ZNF407: variants seen among roughly 807,000 people sequenced by gnomAD.
ZNF407 encodes the protein zinc finger protein 407.
Under a neutral mutation model 131.2 loss-of-function variants are expected in ZNF407, and 17 were observed. The ratio of observed to expected loss-of-function variants is 0.13; its 90% CI spans 0.09 to 0.19. ZNF407 has a LOEUF of 0.19. Among genes scored for constraint, ZNF407 ranks in the 10% least tolerant of loss-of-function variants. ZNF407 has a pLI of 1.00. For missense variants in ZNF407, 2,681 were observed against 2,830.6 expected (o/e 0.95, Z 1.20); for synonymous variants, 1,156 against 1,062.0 (o/e 1.09, Z -1.72).
chr18:74,889,834 T>A (rs1971360401), intron 6 of ZNF407, 84 bp from the exon 7 acceptor site: 1 of 1,281,614 alleles, frequency 7.8e-7, no homozygotes, highest in African/African-American at 1.5e-5. Context: ...AAATAAATGT[T>A]TTTTAAATTG....
At chr18:74,860,766 T>TA (rs1383781224) in intron 4 of ZNF407, among the ~76,000 whole-genome samples, 1 of 152,112 alleles carries the variant, frequency 6.6e-6, no homozygotes, top group Non-Finnish European at 1.5e-5. Context: ...ATCTCAGTGT[T>TA]ACGGTTTTTT....
At position 74,786,791 on chromosome 18, in the gene ZNF407, A is replaced by AGGT. The variant is rs1969722911; in HGVS notation, c.4877+5289_4877+5290insGGT. 5.0e-4 allele frequency among the ~76,000 whole-genome samples: 39 copies of AGGT among 77,726 alleles called. 9 individuals are homozygous for AGGT. The highest frequency in any genetic ancestry group is 1.3e-3 in the African/African-American group (30 of 22,732). 51.0% of individuals were successfully genotyped at this position (77,726 alleles called of 152,430 possible). A position where few individuals can be genotyped will look rare whatever the true frequency, so the allele number is the denominator to read the frequency against. ...TTAATTGGTTTTAATGTAAAAAAGT[A>AGGT]TGTTTTTTTTTTTTTTTTTTTTTTT... On this transcript the variant is annotated intron_variant, in intron 4 of 8. Coordinates refer to ENST00000299687, the MANE Select transcript of ZNF407 (RefSeq NM_017757.3).
chr18:74,610,375 C>G (rs976187018), intron 1 of ZNF407, among the ~76,000 whole-genome samples: 1 of 152,084 alleles, frequency 6.6e-6, no homozygotes, highest in Admixed American at 6.5e-5. Flanking sequence ...TCCTGAAACC[C>G]ACATTTCCCC....
chr18:74,770,818 A>G (rs1461681309), intron 3 of ZNF407, among the ~76,000 whole-genome samples: 1 of 152,114 alleles, frequency 6.6e-6, no homozygotes, highest in South Asian at 2.1e-4. Flanking sequence ...CTAGCATTTT[A>G]TAATATCTAA....
intron 8 of ZNF407, among the ~76,000 whole-genome samples, chr18:74,999,568 A>G (rs1427208596): frequency 6.6e-6 from 1 of 152,218 alleles, no homozygotes; most frequent in African/African-American, 2.4e-5. Flanking sequence ...TTGCTCACGA[A>G]TGTGCCAGAC....
intron 3 of ZNF407, among the ~76,000 whole-genome samples, chr18:74,696,162 T>C (rs1568171010): frequency 6.6e-6 from 1 of 152,198 alleles, no homozygotes; most frequent in Non-Finnish European, 1.5e-5. Context: ...AAAATCTAGG[T>C]GGACACAACG....
At chr18:74,608,649 T>C (rs1982917630) in intron 1 of ZNF407, among the ~76,000 whole-genome samples, 1 of 152,176 alleles carries the variant, frequency 6.6e-6, no homozygotes, top group Non-Finnish European at 1.5e-5. Context: ...GCCTGGCCAG[T>C]TCCTTTAGAT....
intron 8 of ZNF407, among the ~76,000 whole-genome samples, chr18:74,986,607 T>A (rs1427713075): frequency 6.6e-6 from 1 of 152,220 alleles, no homozygotes; most frequent in Admixed American, 6.5e-5. Flanking sequence ...AGCTTTTATT[T>A]AACAACTACA....
At chr18:74,665,429 G>A (rs1189142358) in intron 3 of ZNF407, among the ~76,000 whole-genome samples, 2 of 152,126 alleles carry the variant, frequency 1.3e-5, no homozygotes, top group East Asian at 1.9e-4. Flanking sequence ...GCAGGGAAGC[G>A]ATCACCTTCC....
At chr18:74,973,616 G>A (rs1249954614) in intron 8 of ZNF407, among the ~76,000 whole-genome samples, 1 of 152,134 alleles carries the variant, frequency 6.6e-6, no homozygotes, top group East Asian at 1.9e-4. Context: ...AAACAAACAT[G>A]CGATATGTTT....
chr18:74,600,091 C>T (rs531730576), intron 1 of ZNF407, among the ~76,000 whole-genome samples: 1 of 152,304 alleles, frequency 6.6e-6, no homozygotes, highest in Admixed American at 6.5e-5. Context: ...CAAGCAAATG[C>T]GCATTGGCAG....
intron 3 of ZNF407, among the ~76,000 whole-genome samples, chr18:74,717,072 A>T (rs890488358): frequency 1.2e-4 from 18 of 152,124 alleles, no homozygotes; most frequent in Admixed American, 1.2e-3. Flanking sequence ...CGTATATGAG[A>T]GTGTGTATAT....
intron 4 of ZNF407, among the ~76,000 whole-genome samples, chr18:74,786,252 T>C (rs1259432990): frequency 6.6e-6 from 1 of 152,214 alleles, no homozygotes; most frequent in Non-Finnish European, 1.5e-5. Context: ...GTAAATACTG[T>C]TATCCATTTT....
In ZNF407 at chr18:74,758,640, G is replaced by C. The variant is rs1002920050; in HGVS notation, c.4803-22788G>C. On this transcript the variant is annotated intron_variant, in intron 3 of 8. Coordinates refer to ENST00000299687, the MANE Select transcript of ZNF407 (RefSeq NM_017757.3). ...GAGTCTTACTCTGTCACCCAGGCTG[G>C]AGTGCAGTGGCATGATCTCGGCTCA... 3.3e-5 allele frequency among the ~76,000 whole-genome samples: 5 copies of C among 152,128 alleles called. 1 individual carries two copies. Among genetic ancestry groups the C allele is most frequent in the African/African-American group, 1.2e-4 (5 of 41,422 alleles).
intron 1 of ZNF407, among the ~76,000 whole-genome samples, chr18:74,621,424 G>T (rs1983504496): frequency 6.6e-6 from 1 of 152,128 alleles, no homozygotes; most frequent in African/African-American, 2.4e-5. Flanking sequence ...GTAGGATGTT[G>T]TGGGGGTTGC....
intron 8 of ZNF407, among the ~76,000 whole-genome samples, chr18:75,007,422 C>T (rs928849956): frequency 2.0e-5 from 3 of 152,126 alleles, no homozygotes; most frequent in Non-Finnish European, 4.4e-5. Flanking sequence ...CACAGGGCAC[C>T]GCAGCGCCTT....
At chr18:74,669,984 G>A (rs544694760) in intron 3 of ZNF407, among the ~76,000 whole-genome samples, 36 of 152,298 alleles carry the variant, frequency 2.4e-4, no homozygotes, top group African/African-American at 8.4e-4. Flanking sequence ...CTGTGAGAGA[G>A]CGATAGCTTC....
At chr18:75,043,815 G>A (rs1040000962) in intron 8 of ZNF407, among the ~76,000 whole-genome samples, 2 of 152,164 alleles carry the variant, frequency 1.3e-5, no homozygotes, top group African/African-American at 4.8e-5. Context: ...GCATTACAGG[G>A]TTGACAACAC....
intron 4 of ZNF407, among the ~76,000 whole-genome samples, chr18:74,856,890 A>G (rs1970866433): frequency 6.6e-6 from 1 of 152,200 alleles, no homozygotes; most frequent in Non-Finnish European, 1.5e-5. Flanking sequence ...TTCAAGTAAT[A>G]AGAAGCCAGG....
Sources: allele counts gnomAD v4.1 joint callset (sites outside exome capture counted in the v4.1 genomes callset), GRCh38; gene constraint gnomAD v4.1.1; transcripts MANE v1.5; gene names NCBI Gene and HGNC (gene_info 2026-07-23, HGNC 2026-07-21).